Variants in SORCS2 observed in about 807,000 individuals in gnomAD.
SORCS2 encodes sortilin related VPS10 domain containing receptor 2.
A neutral mutation model predicts 141.6 loss-of-function variants in SORCS2; 100 were observed. That is an observed-to-expected ratio of 0.71 (90% CI 0.60 to 0.83). SORCS2 has a LOEUF of 0.83. SORCS2 is among the 40% of genes least tolerant of loss of function. The pLI, the probability that SORCS2 is intolerant of heterozygous loss-of-function variation, is 0.00. For missense variants in SORCS2, 1,646 were observed against 1,560.2 expected (o/e 1.05, Z -0.93); for synonymous variants, 789 against 676.9 (o/e 1.17, Z -2.57).
intron 1 of SORCS2, among the ~76,000 whole-genome samples, chr4:7,248,046 C>T (rs988757225): frequency 6.6e-6 from 1 of 152,216 alleles, no homozygotes; most frequent in African/African-American, 2.4e-5. Context: ...CACCTGAGAG[C>T]CGAGCCCCAT....
intron 3 of SORCS2, among the ~76,000 whole-genome samples, chr4:7,564,094 A>G (rs1161139171): frequency 1.3e-5 from 2 of 152,182 alleles, no homozygotes. Context: ...GACATTTCTA[A>G]TGGGGATGGA....
chr4:7,503,769 G>A (rs6841493), intron 2 of SORCS2, among the ~76,000 whole-genome samples: 18 of 152,192 alleles, frequency 1.2e-4, no homozygotes, highest in African/African-American at 4.3e-4. Flanking sequence ...TTCCTGCAAC[G>A]TGTATGGAAC....
chr4:7,460,951 G>T (rs1219817011), intron 2 of SORCS2, among the ~76,000 whole-genome samples: 1 of 147,762 alleles, frequency 6.8e-6, no homozygotes, highest in Non-Finnish European at 1.5e-5. Flanking sequence ...TTCCATCGAG[G>T]ATTTCATTTC....
intron 3 of SORCS2, among the ~76,000 whole-genome samples, chr4:7,532,692 A>G (rs1024577667): frequency 1.3e-5 from 2 of 150,004 alleles, no homozygotes; most frequent in Non-Finnish European, 3.0e-5. Context: ...TGGCAGCAGC[A>G]GTCTATGGAA....
At chr4:7,279,083 G>A (rs1228121931) in intron 1 of SORCS2, among the ~76,000 whole-genome samples, 1 of 152,206 alleles carries the variant, frequency 6.6e-6, no homozygotes, top group Non-Finnish European at 1.5e-5. Context: ...TCCTATGGGA[G>A]AACTGAAATC....
chr4:7,508,620 G>A (rs142343000), intron 2 of SORCS2, among the ~76,000 whole-genome samples: 2,113 of 152,178 alleles, frequency 0.014, 56 homozygotes, highest in African/African-American at 0.048. Flanking sequence ...TTACAGGCAC[G>A]AGCCACCGCG....
intron 3 of SORCS2, among the ~76,000 whole-genome samples, chr4:7,562,762 C>T (rs1012974526): frequency 6.6e-6 from 1 of 152,168 alleles, no homozygotes; most frequent in Non-Finnish European, 1.5e-5. Flanking sequence ...CTCTTCCAGC[C>T]TCTGATGGTT....
chr4:7,582,565 G>A (rs1010544035), intron 3 of SORCS2, among the ~76,000 whole-genome samples: 1 of 152,136 alleles, frequency 6.6e-6, no homozygotes. Context: ...CTTCTGGCTC[G>A]GGGTTTCATA....
At chr4:7,719,130 G>A (rs1202402216) in intron 18 of SORCS2, among the ~76,000 whole-genome samples, 4 of 152,228 alleles carry the variant, frequency 2.6e-5, no homozygotes, top group South Asian at 4.1e-4. Context: ...TGAACAGTAC[G>A]GGAGATGCAG....
Position 7,588,257 on chromosome 4 carries a change from G to T in SORCS2, c.649-50071G>T, listed in dbSNP as rs190458481. On this transcript the variant is annotated intron_variant, in intron 3 of 26. Coordinates refer to ENST00000507866, the MANE Select transcript of SORCS2 (RefSeq NM_020777.3). The stretch of plus-strand genomic sequence containing the variant: ...AGTGTCACTTTGGAGCCGGCTTCGG[G>T]CTGTGAAATGTCTCCCACAAAGCTG... Among the ~76,000 whole-genome samples the T allele has an allele frequency of 4.1e-3, 627 of 152,330 alleles. 3 individuals carry two copies. Among genetic ancestry groups the T allele is most frequent in the Non-Finnish European group, 4.3e-3 (295 of 68,034 alleles).
intron 1 of SORCS2, among the ~76,000 whole-genome samples, chr4:7,200,007 T>TG (rs1159353475): frequency 1.4e-5 from 2 of 147,404 alleles, no homozygotes; most frequent in African/African-American, 5.1e-5. Context: ...TGGTGCACAG[T>TG]GGGGAAGCGC....
intron 1 of SORCS2, among the ~76,000 whole-genome samples, chr4:7,361,090 G>A (rs948188001): frequency 4.6e-5 from 7 of 152,128 alleles, no homozygotes; most frequent in East Asian, 3.8e-4. Context: ...AGCTCTGCCC[G>A]GCAGCCTCCT....
intron 2 of SORCS2, among the ~76,000 whole-genome samples, chr4:7,461,905 C>CGCAGGCTTCAGTGCCTCTGCTGTCCT (rs869193207): frequency 9.8e-6 from 1 of 101,524 alleles, no homozygotes; most frequent in Non-Finnish European, 2.1e-5. Flanking sequence ...GGTGCTGTCC[C>CGCAGGCTTCAGTGCCTCTGCTGTCCT]GCAGGCTTCA....
intron 3 of SORCS2, among the ~76,000 whole-genome samples, chr4:7,616,276 C>A (rs1156240689): frequency 6.6e-6 from 1 of 152,146 alleles, no homozygotes; most frequent in Non-Finnish European, 1.5e-5. Flanking sequence ...CGCTAGCCAA[C>A]CCACTCACAT....
intron 1 of SORCS2, among the ~76,000 whole-genome samples, chr4:7,224,294 C>T (rs1382002902): frequency 2.0e-5 from 3 of 152,236 alleles, no homozygotes; most frequent in African/African-American, 7.2e-5. Context: ...GCTTAATCCT[C>T]CTCAAGTGTG....
At chr4:7,378,899 A>G (rs1369063192) in intron 1 of SORCS2, among the ~76,000 whole-genome samples, 1 of 152,208 alleles carries the variant, frequency 6.6e-6, no homozygotes. Context: ...CCTATTGGCC[A>G]CCATGGACAC....
intron 1 of SORCS2, among the ~76,000 whole-genome samples, chr4:7,351,901 C>G (rs1021941599): frequency 6.6e-6 from 1 of 152,176 alleles, no homozygotes; most frequent in Non-Finnish European, 1.5e-5. Context: ...ACCCAACTGT[C>G]TACTGTCCAT....
At chr4:7,583,153 T>A (rs1716272759) in intron 3 of SORCS2, among the ~76,000 whole-genome samples, 1 of 152,158 alleles carries the variant, frequency 6.6e-6, no homozygotes, top group African/African-American at 2.4e-5. Context: ...AAGTGAGGGT[T>A]GCAAAAAGTT....
At chr4:7,734,072 G>C (rs1170447070) in intron 24 of SORCS2, among the ~76,000 whole-genome samples, 200 bp from the exon 25 acceptor site, 1 of 151,206 alleles carries the variant, frequency 6.6e-6, no homozygotes, top group Non-Finnish European at 1.5e-5. Context: ...GTCAAGCCGG[G>C]AATGGGCTGG....
Sources: gnomAD v4.1 joint callset for allele counts (sites outside exome capture counted in the v4.1 genomes callset) on GRCh38, gnomAD v4.1.1 for gene constraint, MANE v1.5 for transcripts, NCBI Gene and HGNC (gene_info 2026-07-23, HGNC 2026-07-21) for gene names.